Variants in ARHGAP19 observed in about 807,000 individuals in gnomAD.
ARHGAP19 encodes Rho GTPase activating protein 19, also known as rho GTPase-activating protein 19.
Under a neutral mutation model 60.9 loss-of-function variants are expected in ARHGAP19, and 48 were observed. That is an observed-to-expected ratio of 0.79 (90% confidence interval 0.62 to 1.00). ARHGAP19 has a LOEUF of 1.00. ARHGAP19 is among the 50% of genes least tolerant of loss of function. The pLI is 0.00. For missense variants in ARHGAP19, 562 were observed against 597.2 expected, an observed-to-expected ratio of 0.94 and a Z score of 0.61; for synonymous variants, 209 against 215.5, an observed-to-expected ratio of 0.97 and a Z score of 0.27.
chr10:97,233,696 C>T (rs1258537772), intron 9 of ARHGAP19, among the ~76,000 whole-genome samples: 3 of 151,944 alleles, frequency 2.0e-5, no homozygotes, highest in Non-Finnish European at 4.4e-5. Context: ...GGTGAAACCT[C>T]GTCTCTACTA....
chr10:97,246,540 T>C (rs1483603697), intron 6 of ARHGAP19, among the ~76,000 whole-genome samples: 1 of 152,152 alleles, frequency 6.6e-6, no homozygotes, highest in Non-Finnish European at 1.5e-5. Flanking sequence ...ATGGAAAAAC[T>C]GTGAGAAGAC....
chr10:97,250,199 A>G (rs982407364), intron 6 of ARHGAP19, among the ~76,000 whole-genome samples: 1 of 152,158 alleles, frequency 6.6e-6, no homozygotes, highest in African/African-American at 2.4e-5. Context: ...AAAAAAGTGT[A>G]TGAACATATA....
chr10:97,256,442 G>A, intron 5 of ARHGAP19, 38 bp from the exon 6 acceptor site: 1 of 1,441,974 alleles, frequency 6.9e-7, no homozygotes, highest in Non-Finnish European at 9.8e-7. Flanking sequence ...TGGACATTAA[G>A]AGCTAGAAAG....
chr10:97,282,563 G>A (rs902935661), intron 1 of ARHGAP19, among the ~76,000 whole-genome samples: 13 of 152,124 alleles, frequency 8.5e-5, no homozygotes, highest in African/African-American at 3.1e-4. Context: ...GTTTGTCCCA[G>A]TATGAATCTG....
chr10:97,264,741 A>C, intron 3 of ARHGAP19, 85 bp downstream of exon 3: 1 of 920,380 alleles, frequency 1.1e-6, no homozygotes, highest in Non-Finnish European at 1.7e-6. Flanking sequence ...GTTAATTGGC[A>C]CCTACTAACT....
intron 1 of ARHGAP19, among the ~76,000 whole-genome samples, chr10:97,279,455 A>G (rs1209463156): frequency 6.7e-6 from 1 of 149,434 alleles, no homozygotes; most frequent in Non-Finnish European, 1.5e-5. Context: ...CAACCTGAAC[A>G]AATTTCTTTC....
intron 1 of ARHGAP19, among the ~76,000 whole-genome samples, chr10:97,271,882 CAT>C (rs1436848072): frequency 6.6e-6 from 1 of 151,732 alleles, no homozygotes; most frequent in Admixed American, 6.6e-5. Flanking sequence ...TATTGATGAT[CAT>C]ATAATTTTTC....
intron 4 of ARHGAP19, among the ~76,000 whole-genome samples, chr10:97,261,875 G>C (rs1276201089): frequency 2.0e-5 from 3 of 152,138 alleles, no homozygotes; most frequent in Non-Finnish European, 4.4e-5. Flanking sequence ...CCTACCACAT[G>C]GGTATAAAGC....
intron 1 of ARHGAP19, among the ~76,000 whole-genome samples, chr10:97,289,096 C>T (rs1458062205): frequency 1.3e-5 from 2 of 148,726 alleles, no homozygotes; most frequent in East Asian, 2.0e-4. Flanking sequence ...GGATCACAGG[C>T]GTGAGCCACC....
chr10:97,239,598 G>A (rs1842444892), intron 8 of ARHGAP19, among the ~76,000 whole-genome samples: 1 of 110,008 alleles, frequency 9.1e-6, no homozygotes, highest in South Asian at 3.0e-4. Context: ...GTGTGTGTGT[G>A]TGTGTCTAAA....
Position 97,243,986 on chromosome 10 carries a change from C to T in ARHGAP19, c.1167G>A (p.Lys389=). The change falls in exon 8 of 12, where the codon AAG becomes AAA. Residue 389 remains lysine (K), a synonymous_variant. Transcript: ENST00000358531. ...HVHDMPESAK[K]KQLIRQFNKQ... Reference sequence around the variant, plus strand: ...TAGGCACCTGTCTAATAAGTTGTTTCTTCTTTGCTGACTCTGGCATATCAT... The same window carrying T: ...TAGGCACCTGTCTAATAAGTTGTTTTTTCTTTGCTGACTCTGGCATATCAT... 6.2e-7 allele frequency: 1 copy of T among 1,609,956 alleles called. No homozygotes were observed.
chr10:97,265,637 C>A (rs1842888113), intron 2 of ARHGAP19: 2 of 537,078 alleles, frequency 3.7e-6, no homozygotes, highest in Non-Finnish European at 6.4e-6. Context: ...CATGTCTTCT[C>A]TCAGGGACTG....
chr10:97,292,403 C>A (rs902294859), intron 1 of ARHGAP19, among the ~76,000 whole-genome samples, 169 bp downstream of exon 1: 4 of 152,194 alleles, frequency 2.6e-5, no homozygotes, highest in African/African-American at 9.7e-5. Flanking sequence ...TGGAGTCCAG[C>A]GCCCAGGCCC....
At chr10:97,262,528 G>T (rs774983482) in intron 4 of ARHGAP19, among the ~76,000 whole-genome samples, 19 of 152,108 alleles carry the variant, frequency 1.2e-4, no homozygotes, top group Non-Finnish European at 2.5e-4. Flanking sequence ...AGCTAGGCGT[G>T]GTAGCGCGTG....
chr10:97,262,195 AAATT>A (rs1194895278), intron 4 of ARHGAP19, among the ~76,000 whole-genome samples: 12 of 98,262 alleles, frequency 1.2e-4, no homozygotes, highest in South Asian at 9.4e-4. Flanking sequence ...AAAAAAAAAA[AAATT>A]TTTTTTTTTT....
chr10:97,230,207 A>G (rs1850981243), intron 9 of ARHGAP19, among the ~76,000 whole-genome samples: 1 of 152,264 alleles, frequency 6.6e-6, no homozygotes, highest in Non-Finnish European at 1.5e-5. Context: ...TAGAAACACC[A>G]GTTACTCATC....
chr10:97,271,298 T>G (rs920949887), intron 1 of ARHGAP19, among the ~76,000 whole-genome samples: 4 of 152,030 alleles, frequency 2.6e-5, no homozygotes, highest in African/African-American at 9.7e-5. Flanking sequence ...GGATTTTATA[T>G]TCATTTGAAC....
intron 1 of ARHGAP19, among the ~76,000 whole-genome samples, chr10:97,269,182 C>T (rs565488953): frequency 6.6e-6 from 1 of 152,262 alleles, no homozygotes; most frequent in South Asian, 2.1e-4. Flanking sequence ...CTACAAAGGA[C>T]ATTGTCAATA....
chr10:97,262,786 T>C (rs1255894782), intron 4 of ARHGAP19, among the ~76,000 whole-genome samples: 1 of 151,942 alleles, frequency 6.6e-6, no homozygotes, highest in Non-Finnish European at 1.5e-5. Context: ...ATCTGAAATA[T>C]ATGAATCAAT....
Sources: allele counts gnomAD v4.1 joint callset (sites outside exome capture counted in the v4.1 genomes callset), GRCh38; gene constraint gnomAD v4.1.1; transcripts MANE v1.5; gene names NCBI Gene and HGNC (gene_info 2026-07-23, HGNC 2026-07-21).